EPHB1: variants seen among roughly 807,000 people sequenced by gnomAD.
The protein encoded by EPHB1 is EPH receptor B1.
In EPHB1, 30 loss-of-function variants were observed where a neutral mutation model predicts 94.4. The ratio of observed to expected loss-of-function variants is 0.32; its 90% confidence interval spans 0.24 to 0.43. The LOEUF is 0.43. Ranked by LOEUF, EPHB1 falls within the 20% of genes least tolerant of loss-of-function variation. EPHB1 has a pLI of 1.00. For synonymous variants in EPHB1, 522 were observed against 489.1 expected (o/e 1.07, Z -0.89); for missense variants, 1,055 against 1,308.3 (o/e 0.81, Z 2.99).
intron 1 of EPHB1, among the ~76,000 whole-genome samples, chr3:134,869,977 C>T (rs980606485): frequency 3.9e-5 from 6 of 152,176 alleles, no homozygotes; most frequent in East Asian, 1.9e-4. Context: ...AGGCTATTCT[C>T]GAGCCATTGC....
intron 1 of EPHB1, among the ~76,000 whole-genome samples, chr3:134,806,811 T>C (rs2036050290): frequency 6.6e-6 from 1 of 152,006 alleles, no homozygotes; most frequent in Non-Finnish European, 1.5e-5. Flanking sequence ...ATACATCCTA[T>C]TGGGGGAACA....
chr3:135,087,626 C>T (rs2107789822), intron 3 of EPHB1, among the ~76,000 whole-genome samples: 1 of 152,222 alleles, frequency 6.6e-6, no homozygotes, highest in African/African-American at 2.4e-5. Flanking sequence ...GTCGGCTCCT[C>T]TAGCAAATCT....
chr3:134,798,580 G>T lies in EPHB1; in HGVS notation c.58+2891G>T, dbSNP rs2035875926. Among the ~76,000 whole-genome samples the T allele has an allele frequency of 2.6e-5, 4 of 152,198 alleles. No homozygotes were observed. The South Asian group carries it at 6.2e-4, about 24-fold the overall frequency. On this transcript the variant is annotated intron_variant, in intron 1 of 15. Coordinates refer to ENST00000398015, the MANE Select transcript of EPHB1 (RefSeq NM_004441.5). ...TGGGGCTAAGTCTGTCTTCAGAAGGGAGTAAGGCAGGCTGTGGTGGCAAGA... is the reference window on the plus strand; with the variant it reads ...TGGGGCTAAGTCTGTCTTCAGAAGGTAGTAAGGCAGGCTGTGGTGGCAAGA...
chr3:134,945,287 G>A (rs1433490153), intron 2 of EPHB1, among the ~76,000 whole-genome samples: 1 of 151,828 alleles, frequency 6.6e-6, no homozygotes. Context: ...GTTTATTTAT[G>A]GCTTCTGAGT....
intron 1 of EPHB1, among the ~76,000 whole-genome samples, chr3:134,923,850 A>G (rs923237657): frequency 6.6e-6 from 1 of 152,060 alleles, no homozygotes; most frequent in Non-Finnish European, 1.5e-5. Context: ...GGCTGTTCTC[A>G]TGGTTATGGG....
At chr3:134,970,708 G>A (rs184767623) in intron 3 of EPHB1, among the ~76,000 whole-genome samples, 1 of 152,268 alleles carries the variant, frequency 6.6e-6, no homozygotes, top group Admixed American at 6.5e-5. Flanking sequence ...GGCTGCAGAG[G>A]TCCACAGTGC....
chr3:135,160,447 C>A (rs943544806), intron 6 of EPHB1, among the ~76,000 whole-genome samples: 1 of 152,136 alleles, frequency 6.6e-6, no homozygotes, highest in African/African-American at 2.4e-5. Flanking sequence ...ATACAGTTTA[C>A]AATTTGTAAA....
chr3:134,913,654 G>A (rs976592199), intron 1 of EPHB1, among the ~76,000 whole-genome samples: 39 of 152,234 alleles, frequency 2.6e-4, no homozygotes, highest in Non-Finnish European at 4.7e-4. Flanking sequence ...GGGCTGGAGA[G>A]CCCACTTCCA....
intron 5 of EPHB1, among the ~76,000 whole-genome samples, chr3:135,140,447 C>A (rs773662881): frequency 6.6e-6 from 1 of 152,208 alleles, no homozygotes; most frequent in African/African-American, 2.4e-5. Context: ...ATTGAATGAA[C>A]TAGTAACTTG....
At chr3:134,870,008 T>C (rs974271622) in intron 1 of EPHB1, among the ~76,000 whole-genome samples, 1 of 152,256 alleles carries the variant, frequency 6.6e-6, no homozygotes, top group African/African-American at 2.4e-5. Flanking sequence ...GCACTGGGTC[T>C]GTGCATTTTA....
At chr3:134,985,204 G>T (rs921655545) in intron 3 of EPHB1, among the ~76,000 whole-genome samples, 1 of 152,098 alleles carries the variant, frequency 6.6e-6, no homozygotes, top group Admixed American at 6.5e-5. Flanking sequence ...GCCCAGGCTG[G>T]AGTCCATGGT....
chr3:135,057,654 T>G (rs1937385293), intron 3 of EPHB1, among the ~76,000 whole-genome samples: 1 of 152,210 alleles, frequency 6.6e-6, no homozygotes, highest in South Asian at 2.1e-4. Context: ...TCTCTGAGTA[T>G]GGTGGCCATA....
chr3:135,254,111 G>T (rs1162821724), intron 15 of EPHB1, among the ~76,000 whole-genome samples: 13 of 100,886 alleles, frequency 1.3e-4, no homozygotes, highest in Admixed American at 3.4e-4. Context: ...AGGAGATTTT[G>T]GGCTGAGACA....
intron 1 of EPHB1, among the ~76,000 whole-genome samples, chr3:134,804,809 G>A (rs544017964): frequency 7.2e-5 from 11 of 152,308 alleles, no homozygotes; most frequent in East Asian, 3.9e-4. Context: ...AACTTTGAGC[G>A]TGGAAGAACA....
intron 1 of EPHB1, among the ~76,000 whole-genome samples, chr3:134,892,875 T>A (rs2038013487): frequency 6.6e-6 from 1 of 151,736 alleles, no homozygotes; most frequent in African/African-American, 2.4e-5. Flanking sequence ...ACGGGGCCTC[T>A]TCTCGGCAGA....
At chr3:134,864,523 C>T (rs1001985729) in intron 1 of EPHB1, among the ~76,000 whole-genome samples, 1 of 152,254 alleles carries the variant, frequency 6.6e-6, no homozygotes, top group Non-Finnish European at 1.5e-5. Context: ...CTCCCTCCCT[C>T]CCTTTTTCTC....
chr3:134,972,931 CAG>C (rs1325704239), intron 3 of EPHB1, among the ~76,000 whole-genome samples: 3 of 152,216 alleles, frequency 2.0e-5, no homozygotes, highest in African/African-American at 7.2e-5. Flanking sequence ...GCAGCTCTGA[CAG>C]AGTTATGTCC....
chr3:135,129,443 C>T (rs1393493132), intron 4 of EPHB1, among the ~76,000 whole-genome samples: 1 of 152,172 alleles, frequency 6.6e-6, no homozygotes. Flanking sequence ...TACTTCAAGG[C>T]CTCTCCAAGG....
chr3:135,130,201 G>T (rs1415753742), intron 4 of EPHB1, among the ~76,000 whole-genome samples: 1 of 152,062 alleles, frequency 6.6e-6, no homozygotes, highest in Non-Finnish European at 1.5e-5. Context: ...GAGGCCATGA[G>T]GATAGAGAGG....
Sources: allele counts gnomAD v4.1 joint callset (sites outside exome capture counted in the v4.1 genomes callset), GRCh38; gene constraint gnomAD v4.1.1; transcripts MANE v1.5; gene names NCBI Gene and HGNC (gene_info 2026-07-23, HGNC 2026-07-21).